The following CARMIL1 variants were observed in gnomAD, a reference collection of about 807,000 sequenced individuals.
The protein encoded by CARMIL1 is capping protein regulator and myosin 1 linker 1, also known as F-actin-uncapping protein LRRC16A.
CARMIL1 carries 90 observed loss-of-function variants against 177.1 expected under a neutral mutation model. The ratio of observed to expected loss-of-function variants is 0.51; its 90% CI spans 0.43 to 0.61. CARMIL1 has a LOEUF of 0.61. Ranked by LOEUF, CARMIL1 falls within the 20% of genes least tolerant of loss-of-function variation. The pLI is 0.00. For synonymous variants in CARMIL1, 577 were observed against 606.2 expected, an observed-to-expected ratio of 0.95 and a Z score of 0.71; for missense variants, 1,380 against 1,667.0, an observed-to-expected ratio of 0.83 and a Z score of 3.00.
In CARMIL1 at chr6:25,520,309, C is replaced by T. The variant is rs775649490; in HGVS notation, c.1940C>T (p.Pro647Leu). The change falls in exon 23 of 37, where the codon CCT becomes CTT. Residue 647 changes from proline (P) to leucine (L), a missense_variant. Physicochemically the swap from Pro to Leu is moderately conservative, Grantham distance 98. Coordinates refer to ENST00000329474, the MANE Select transcript of CARMIL1 (RefSeq NM_017640.6). ...GCTTCTCAAGCCCTAAAAACAAACC[C>T]TGAAAAAACAGAAGACGCTCTGCAA... ...YDASQALKTNPEKTEDALQKI... is the reference protein window; with the variant it reads ...YDASQALKTNLEKTEDALQKI... The T allele has an allele frequency of 1.3e-6, 2 of 1,559,240 alleles. No homozygotes were observed. Among genetic ancestry groups the T allele is most frequent in the Non-Finnish European group, 1.7e-6 (2 of 1,149,838 alleles).
intron 17 of CARMIL1, among the ~76,000 whole-genome samples, chr6:25,507,023 A>C (rs1562228236): frequency 6.6e-6 from 1 of 152,140 alleles, no homozygotes; most frequent in Non-Finnish European, 1.5e-5. Context: ...AGACGATTTT[A>C]TTTTTAACCG....
chr6:25,417,095 G>A (rs555053418), intron 2 of CARMIL1, among the ~76,000 whole-genome samples: 24 of 152,270 alleles, frequency 1.6e-4, no homozygotes, highest in African/African-American at 5.8e-4. Context: ...TGGGGGAGGA[G>A]CAGTATTTGA....
intron 1 of CARMIL1, among the ~76,000 whole-genome samples, chr6:25,282,658 T>A (rs1168638544): frequency 6.6e-6 from 1 of 152,226 alleles, no homozygotes; most frequent in East Asian, 1.9e-4. Flanking sequence ...GAAACACACA[T>A]TGTAAGTAGA....
intron 24 of CARMIL1, among the ~76,000 whole-genome samples, chr6:25,535,364 A>G (rs1402550862): frequency 6.6e-6 from 1 of 152,190 alleles, no homozygotes; most frequent in African/African-American, 2.4e-5. Flanking sequence ...GTGTATTTAA[A>G]TATGTGCAGG....
intron 2 of CARMIL1, among the ~76,000 whole-genome samples, chr6:25,397,929 G>A (rs536104752): frequency 1.3e-5 from 2 of 152,210 alleles, no homozygotes; most frequent in South Asian, 2.1e-4. Flanking sequence ...CATGCTTTCT[G>A]TGTCTGTGTG....
intron 29 of CARMIL1, among the ~76,000 whole-genome samples, chr6:25,574,232 ATTTC>A (rs1812384268): frequency 6.6e-6 from 1 of 152,358 alleles, no homozygotes; most frequent in East Asian, 1.9e-4. Context: ...GACCAGAGTG[ATTTC>A]TTTAAGTATT....
intron 32 of CARMIL1, among the ~76,000 whole-genome samples, chr6:25,596,322 GATT>G (rs1344031005): frequency 1.6e-4 from 25 of 152,126 alleles, no homozygotes; most frequent in African/African-American, 5.8e-4. Flanking sequence ...TTTATAAATA[GATT>G]ATTGTCAGTC....
intron 29 of CARMIL1, among the ~76,000 whole-genome samples, chr6:25,562,845 T>C (rs866596977): frequency 4.3e-4 from 66 of 152,156 alleles, no homozygotes; most frequent in Middle Eastern, 3.2e-3. Context: ...AGCACCCAAA[T>C]TGGGCACCTG....
chr6:25,479,954 C>G (rs1801934475), intron 11 of CARMIL1, among the ~76,000 whole-genome samples: 1 of 152,006 alleles, frequency 6.6e-6, no homozygotes, highest in South Asian at 2.1e-4. Context: ...TGGGGATTTT[C>G]TAATTATCTT....
chr6:25,335,510 G>T (rs776245157), intron 2 of CARMIL1, among the ~76,000 whole-genome samples: 1 of 152,180 alleles, frequency 6.6e-6, no homozygotes, highest in Non-Finnish European at 1.5e-5. Context: ...TAATCTCCTT[G>T]TGATTTTCCT....
At chr6:25,357,941 G>C (rs1475744064) in intron 2 of CARMIL1, among the ~76,000 whole-genome samples, 1 of 152,174 alleles carries the variant, frequency 6.6e-6, no homozygotes, top group Non-Finnish European at 1.5e-5. Flanking sequence ...TTTTATGTTA[G>C]TGCAGGATGA....
chr6:25,502,532 C>T (rs151289024), intron 17 of CARMIL1, among the ~76,000 whole-genome samples: 79 of 143,904 alleles, frequency 5.5e-4, no homozygotes, highest in African/African-American at 1.9e-3. Flanking sequence ...CCAGCCCGGG[C>T]GACAGCTAGA....
Position 25,296,843 on chromosome 6 carries a change from G to A in CARMIL1, c.138+11934G>A, listed in dbSNP as rs76929891. 8.4e-3 allele frequency among the ~76,000 whole-genome samples: 1,272 copies of A among 152,302 alleles called. 20 individuals carry two copies. Among genetic ancestry groups the A allele is most frequent in the African/African-American group, 0.029 (1,211 of 41,562 alleles). Reference sequence around the variant, plus strand: ...TTTTTGCTAAGTCTTGGGCAGTTCAGTTTGGCACTTAGAGTATTCCAGCTC... The same window carrying A: ...TTTTTGCTAAGTCTTGGGCAGTTCAATTTGGCACTTAGAGTATTCCAGCTC... On this transcript the variant is annotated intron_variant, in intron 2 of 36. Transcript: ENST00000329474.
At chr6:25,392,383 A>G (rs935206235) in intron 2 of CARMIL1, among the ~76,000 whole-genome samples, 1 of 152,310 alleles carries the variant, frequency 6.6e-6, no homozygotes, top group African/African-American at 2.4e-5. Flanking sequence ...GTTTCTTCCT[A>G]TAATTTCTAT....
chr6:25,415,590 TG>T (rs1266513383), intron 2 of CARMIL1, among the ~76,000 whole-genome samples: 2 of 151,984 alleles, frequency 1.3e-5, no homozygotes, highest in African/African-American at 4.8e-5. Context: ...TTCAGTTGTT[TG>T]GGTGCATGTT....
At chr6:25,290,608 C>T (rs1781874258) in intron 2 of CARMIL1, among the ~76,000 whole-genome samples, 1 of 151,888 alleles carries the variant, frequency 6.6e-6, no homozygotes, top group Non-Finnish European at 1.5e-5. Context: ...CTTTGCCAAC[C>T]CCTTCTTCTT....
chr6:25,420,080 T>A, intron 2 of CARMIL1, 34 bp from the exon 3 acceptor site: 1 of 1,584,064 alleles, frequency 6.3e-7, no homozygotes, highest in Non-Finnish European at 8.7e-7. Context: ...CACTTTTTGG[T>A]GCTTATACTG....
At chr6:25,607,366 GATC>G (rs1204394445) in intron 35 of CARMIL1, among the ~76,000 whole-genome samples, 1 of 152,098 alleles carries the variant, frequency 6.6e-6, no homozygotes, top group Non-Finnish European at 1.5e-5. Context: ...TAGATAGTCA[GATC>G]ATCATCATGG....
At chr6:25,370,758 G>GAT (rs970952608) in intron 2 of CARMIL1, among the ~76,000 whole-genome samples, 24 of 151,612 alleles carry the variant, frequency 1.6e-4, no homozygotes, top group South Asian at 4.2e-4. Context: ...TTTTTTAGTT[G>GAT]ATATATATAT....
Sources: gnomAD v4.1 joint callset for allele counts (sites outside exome capture counted in the v4.1 genomes callset) on GRCh38, gnomAD v4.1.1 for gene constraint, MANE v1.5 for transcripts, NCBI Gene and HGNC (gene_info 2026-07-23, HGNC 2026-07-21) for gene names.